TBPL2: variants seen among roughly 807,000 people sequenced by gnomAD.
TBPL2 encodes the protein TATA-box binding protein like 2.
TBPL2 carries 40 observed loss-of-function variants against 38.2 expected under a neutral mutation model. The ratio of observed to expected loss-of-function variants is 1.05; its 90% CI spans 0.81 to 1.36. TBPL2 has a LOEUF of 1.36. Among genes scored for constraint, TBPL2 ranks in the 40% most tolerant of loss-of-function variants. TBPL2 has a pLI of 0.00. For missense variants in TBPL2, 461 were observed against 456.7 expected, an observed-to-expected ratio of 1.01 and a Z score of -0.09; for synonymous variants, 169 against 171.7, an observed-to-expected ratio of 0.98 and a Z score of 0.12.
intron 4 of TBPL2, among the ~76,000 whole-genome samples, chr14:55,429,961 T>C (rs1885898770): frequency 6.6e-6 from 1 of 152,124 alleles, no homozygotes; most frequent in South Asian, 2.1e-4. Context: ...CTTGTTTTGC[T>C]CGGCTTTCTC....
intron 6 of TBPL2, among the ~76,000 whole-genome samples, chr14:55,420,456 G>A (rs1885725261): frequency 6.6e-6 from 1 of 152,234 alleles, no homozygotes; most frequent in African/African-American, 2.4e-5. Flanking sequence ...AAACTGCGTA[G>A]CTCTAGGCTA....
intron 3 of TBPL2, among the ~76,000 whole-genome samples, chr14:55,435,278 A>ATTTT (rs34700693): frequency 7.5e-4 from 108 of 143,990 alleles, no homozygotes; most frequent in African/African-American, 8.9e-4. Context: ...GTCAGGTGAA[A>ATTTT]TTTTTTTTTT....
rs764924284 is a variant in TBPL2, at chr14:55,436,722, G to A, written c.447C>T (p.Ser149=). ...GCTGTGAATGGGAATTTGACAAACT[G>A]CTGCTGTTTAAGCCCAGCCCAACGT... The change falls in exon 2 of 7, where the codon AGC becomes AGT. Residue 149 remains serine, a synonymous_variant. Coordinates refer to ENST00000247219, the Ensembl canonical transcript of TBPL2. The A allele has an allele frequency of 3.1e-6, 5 of 1,614,206 alleles. No individual in the cohort carries two copies. The East Asian group carries it at 1.1e-4, about 36-fold the overall frequency.
At chr14:55,434,272 G>A (rs1478357036) in intron 3 of TBPL2, among the ~76,000 whole-genome samples, 1 of 152,184 alleles carries the variant, frequency 6.6e-6, no homozygotes, top group African/African-American at 2.4e-5. Flanking sequence ...CAAGGTTCTT[G>A]CCTCTTATAG....
intron 4 of TBPL2, 111 bp from the exon 5 acceptor site, chr14:55,429,085 T>C (rs1885881345): frequency 2.3e-6 from 3 of 1,325,266 alleles, no homozygotes; most frequent in South Asian, 2.8e-5. Context: ...CAATGTATAC[T>C]ATGAAGCTGT....
chr14:55,433,500 A>C, intron 4 of TBPL2, 130 bp downstream of exon 4: 2 of 849,482 alleles, frequency 2.4e-6, no homozygotes, highest in Non-Finnish European at 3.8e-6. Context: ...GTGGCATTTC[A>C]TTGAATAAAG....
chr14:55,438,042 G>GA (rs549207953), intron 1 of TBPL2, among the ~76,000 whole-genome samples: 185 of 152,280 alleles, frequency 1.2e-3, no homozygotes, highest in Middle Eastern at 0.01. Flanking sequence ...TTTATTATGG[G>GA]AAAAAATCGA....
intron 5 of TBPL2, among the ~76,000 whole-genome samples, chr14:55,428,390 A>C (rs1427202901): frequency 6.6e-6 from 1 of 151,762 alleles, no homozygotes; most frequent in Non-Finnish European, 1.5e-5. Flanking sequence ...CGGCCTCCCA[A>C]CACATGCCTT....
intron 6 of TBPL2, among the ~76,000 whole-genome samples, chr14:55,416,789 A>C (rs993065783): frequency 1.3e-5 from 2 of 152,240 alleles, no homozygotes; most frequent in Non-Finnish European, 2.9e-5. Context: ...TAATAGGTAC[A>C]GCAAACACAC....
At chr14:55,428,119 C>CTTTTTTTTTTTTTTTTTTTTTT (rs567342581) in intron 5 of TBPL2, among the ~76,000 whole-genome samples, 1 of 43,360 alleles carries the variant, frequency 2.3e-5, no homozygotes, top group Non-Finnish European at 3.8e-5. Flanking sequence ...CATGCCTTAT[C>CTTTTTTTTTTTTTTTTTTTTTT]TTTTTTTTTT....
intron 1 of TBPL2, among the ~76,000 whole-genome samples, chr14:55,437,754 T>C (rs1166823929): frequency 6.6e-6 from 1 of 152,188 alleles, no homozygotes; most frequent in Non-Finnish European, 1.5e-5. Context: ...TAAATGTAAA[T>C]AGAATAAATG....
At chr14:55,433,919 A>C (rs1355203591) in intron 3 of TBPL2, among the ~76,000 whole-genome samples, 198 bp from the exon 4 acceptor site, 1 of 152,248 alleles carries the variant, frequency 6.6e-6, no homozygotes, top group African/African-American at 2.4e-5. Flanking sequence ...AAATAATATC[A>C]GTAACTCTTA....
intron 6 of TBPL2, among the ~76,000 whole-genome samples, chr14:55,420,106 T>C (rs536785641): frequency 1.3e-5 from 2 of 152,356 alleles, no homozygotes; most frequent in Admixed American, 1.3e-4. Flanking sequence ...ACTCTTGCTC[T>C]GTTACCCAGG....
chr14:55,427,549 C>A (rs1242297507), intron 5 of TBPL2, among the ~76,000 whole-genome samples: 2 of 152,122 alleles, frequency 1.3e-5, no homozygotes, highest in Non-Finnish European at 2.9e-5. Context: ...GAAAGAACTT[C>A]AGTTCCAGCT....
At chr14:55,438,556 T>TCCCTTC (rs534836090) in intron 1 of TBPL2, among the ~76,000 whole-genome samples, 32 of 152,242 alleles carry the variant, frequency 2.1e-4, no homozygotes, top group East Asian at 1.5e-3. Flanking sequence ...AGTCAGTGTC[T>TCCCTTC]CCCTTCCCCT....
chr14:55,432,987 A>T (rs1885956078), intron 4 of TBPL2, among the ~76,000 whole-genome samples: 1 of 152,204 alleles, frequency 6.6e-6, no homozygotes, highest in Non-Finnish European at 1.5e-5. Flanking sequence ...GAAAATCCAC[A>T]ATAACTACTT....
intron 5 of TBPL2, among the ~76,000 whole-genome samples, chr14:55,428,221 C>T (rs1324541007): frequency 6.8e-6 from 1 of 147,272 alleles, no homozygotes; most frequent in Non-Finnish European, 1.5e-5. Context: ...GCTCCACCTC[C>T]TGGGTTCTGG....
exon 1 of TBPL2, chr14:55,440,564 C>A (rs1315958566): frequency 1.9e-6 from 3 of 1,568,972 alleles, no homozygotes; most frequent in South Asian, 1.2e-5. Context: ...CTGGGGGCAG[C>A]GAGGCGGGGC....
intron 4 of TBPL2, among the ~76,000 whole-genome samples, chr14:55,433,171 C>G (rs1379339190): frequency 6.6e-6 from 1 of 152,110 alleles, no homozygotes; most frequent in Non-Finnish European, 1.5e-5. Flanking sequence ...CTCTGTAACT[C>G]AGACTGGACT....
Sources: allele counts gnomAD v4.1 joint callset (sites outside exome capture counted in the v4.1 genomes callset), GRCh38; gene constraint gnomAD v4.1.1; transcripts MANE v1.5; gene names NCBI Gene and HGNC (gene_info 2026-07-23, HGNC 2026-07-21).